Variants in MYH9 observed in about 807,000 individuals in gnomAD.
MYH9 encodes myosin heavy chain 9.
A neutral mutation model predicts 241.9 loss-of-function variants in MYH9; 29 were observed. The ratio of observed to expected loss-of-function variants is 0.12; its 90% CI spans 0.09 to 0.16. The LOEUF (loss-of-function observed/expected upper bound fraction) is 0.16, where lower values mean the gene tolerates loss of function less well. Ranked by LOEUF, MYH9 falls within the 10% of genes least tolerant of loss-of-function variation. The pLI is 1.00. For missense variants in MYH9, 1,803 were observed against 2,595.5 expected (o/e 0.69, Z 6.63); for synonymous variants, 1,047 against 1,062.6 (o/e 0.99, Z 0.29).
In MYH9 at chr22:36,296,823, C is replaced by G; in HGVS notation, c.3272+20G>C. ...CTGGCCCAGGCCACCTGGCCTCAGG[C>G]GGGCAGGCGGGGTCCTCACCTGGCC... On this transcript the variant is annotated intron_variant, in intron 25 of 40. Transcript: ENST00000216181. 1 of 1,592,272 alleles carries G rather than the reference C, an allele frequency of 6.3e-7. No homozygotes were observed. Among genetic ancestry groups the G allele is most frequent in the Non-Finnish European group, 8.6e-7 (1 of 1,168,948 alleles).
Position 36,284,521 on chromosome 22 carries a change from A to G in MYH9, c.5484-10T>C, listed in dbSNP as rs546780199. The G allele has an allele frequency of 6.2e-6, 10 of 1,611,498 alleles. No individual in the cohort carries two copies. In the East Asian group the frequency reaches 1.8e-4, roughly 29 times the overall value. On this transcript the variant is annotated splice_polypyrimidine_tract_variant and intron_variant, in intron 38 of 40. Coordinates refer to ENST00000216181, the MANE Select transcript of MYH9 (RefSeq NM_002473.6). ...GGCTGCCTGGCGCTCCCTGCATGAC[A>G]GACAAGGTGGCTCAGAGGGAACACC...
chr22:36,373,851 C>T (rs2018124397), intron 1 of MYH9, among the ~76,000 whole-genome samples: 1 of 152,124 alleles, frequency 6.6e-6, no homozygotes. Context: ...AATATGAATT[C>T]TGGCGACCAA....
intron 3 of MYH9, among the ~76,000 whole-genome samples, chr22:36,336,645 G>A (rs765163408): frequency 2.6e-5 from 4 of 152,174 alleles, no homozygotes; most frequent in Non-Finnish European, 5.9e-5. Context: ...AGGGTGAACC[G>A]ACCATGTCAC....
chr22:36,366,154 C>T (rs1171007345), intron 1 of MYH9, among the ~76,000 whole-genome samples: 2 of 152,152 alleles, frequency 1.3e-5, no homozygotes, highest in Admixed American at 6.5e-5. Context: ...TGCCACTGCA[C>T]TCCAGCCTGG....
chr22:36,349,117 G>C lies in MYH9; in HGVS notation c.120C>G (p.Gly40=). ...CCTCCTTGAGGCTGGCTGGCTCAAA[G>C]CCACTCTTGTCGGAAGGCACCCATA... The part of the protein sequence containing the change: ...KLVWVPSDKS[G]FEPASLKEEV... Residue 40 remains glycine, a synonymous_variant, in exon 2 of 41, where the codon GGC becomes GGG. Coordinates refer to ENST00000216181, the MANE Select transcript of MYH9 (RefSeq NM_002473.6). The C allele has an allele frequency of 6.2e-7, 1 of 1,614,230 alleles. No individual in the cohort carries two copies. The highest frequency in any genetic ancestry group is 1.1e-5 in the South Asian group (1 of 91,088).
At chr22:36,376,985 C>G (rs2018177995) in intron 1 of MYH9, among the ~76,000 whole-genome samples, 1 of 152,012 alleles carries the variant, frequency 6.6e-6, no homozygotes, top group Non-Finnish European at 1.5e-5. Context: ...ATCGCTTGAA[C>G]CCGGGAGGTG....
In MYH9 at chr22:36,288,820, C is replaced by T. The variant is rs1036038001; in HGVS notation, c.4677G>A (p.Glu1559=). 1 of 1,613,680 alleles carries T rather than the reference C, an allele frequency of 6.2e-7. No individual in the cohort carries two copies. The highest frequency in any genetic ancestry group is 1.3e-5 in the African/African-American group (1 of 75,038). ...GGGCCTTCATGGCCTGCAGGTTGAC[C>T]TCCAACCGCAGCTTGGCATCTTCGG... is the stretch of plus-strand genomic sequence containing the variant. ...QATEDAKLRL[E]VNLQAMKAQF... The change falls in exon 33 of 41, where the codon GAG becomes GAA. Residue 1559 remains glutamate, a synonymous_variant. Transcript: ENST00000216181. The surrounding 1 kb of genome is among the most constrained non-coding windows in gnomAD (Gnocchi z 4.8).
rs770688464 is a variant in MYH9 at position 36,349,103 on chromosome 22, C to G, written c.134G>C (p.Ser45Thr). 2 of 1,614,248 alleles carry G rather than the reference C, an allele frequency of 1.2e-6. No individual in the cohort carries two copies. The highest frequency in any genetic ancestry group is 1.7e-5 in the Admixed American group (1 of 60,030). Reference sequence around the variant, plus strand: ...CTCTTCGCCCACCTCCTCCTTGAGGCTGGCTGGCTCAAAGCCACTCTTGTC... The same window carrying G: ...CTCTTCGCCCACCTCCTCCTTGAGGGTGGCTGGCTCAAAGCCACTCTTGTC... ...PSDKSGFEPASLKEEVGEEAI... is the reference protein window; with the variant it reads ...PSDKSGFEPATLKEEVGEEAI... The change falls in exon 2 of 41, where the codon AGC (serine) becomes ACC (threonine). Residue 45 changes from serine (S) to threonine (T), a missense_variant. By Grantham distance (58) the Ser-to-Thr change is moderately conservative. Around this residue, in one of 11 missense-constraint regions of MYH9, gnomAD observed 75 missense variants for 79.1 expected, o/e 0.95. Transcript: ENST00000216181.
chr22:36,294,424 C>T, intron 27 of MYH9, 126 bp from the exon 28 acceptor site: 1 of 1,023,880 alleles, frequency 9.8e-7, no homozygotes, highest in African/African-American at 1.6e-5. Flanking sequence ...GTGCCTGCGT[C>T]CTGGACTCAG....
intron 40 of MYH9, among the ~76,000 whole-genome samples, chr22:36,283,559 T>TAA (rs547870738): frequency 1.6e-5 from 2 of 127,712 alleles, no homozygotes; most frequent in Admixed American, 1.5e-4. Context: ...ACAAAAAAAA[T>TAA]AAAAAAAACA....
At position 36,281,390 on chromosome 22, in the gene MYH9, G is replaced by A. The variant is rs1323254840; in HGVS notation, c.*1278C>T. ...TAAGGCACTTTTATTATATAAAAAA[G>A]GGGGTAGGGTGGGAGTTTCACTCAC... On this transcript the variant is annotated 3_prime_UTR_variant, in exon 41 of 41. Coordinates refer to ENST00000216181, the MANE Select transcript of MYH9 (RefSeq NM_002473.6). The A allele has an allele frequency of 4.4e-6, 1 of 226,378 alleles. No homozygotes were observed. Among genetic ancestry groups the A allele is most frequent in the African/African-American group, 2.2e-5 (1 of 44,912 alleles). The allele number at this position is 226,378 out of a possible 1,614,324, so 14.0% of individuals were successfully genotyped here. A position where few individuals can be genotyped will look rare whatever the true frequency, so the allele number is the denominator to read the frequency against.
At chr22:36,360,066 C>CCACCACCACCACCACCAT (rs2017915085) in intron 1 of MYH9, among the ~76,000 whole-genome samples, 1 of 144,806 alleles carries the variant, frequency 6.9e-6, no homozygotes. Context: ...ACCACCACCA[C>CCACCACCACCACCACCAT]CACCACCACC....
chr22:36,334,681 C>T (rs866210027), intron 3 of MYH9, among the ~76,000 whole-genome samples: 5 of 152,266 alleles, frequency 3.3e-5, no homozygotes, highest in Middle Eastern at 3.4e-3. Context: ...AAGGAATGAG[C>T]GATTTGAAGC....
intron 34 of MYH9, among the ~76,000 whole-genome samples, chr22:36,287,638 A>G (rs1603482768): frequency 6.6e-6 from 1 of 152,296 alleles, no homozygotes; most frequent in East Asian, 1.9e-4. Flanking sequence ...GCTGCTGGGG[A>G]GGCTGAGGCA....
intron 1 of MYH9, among the ~76,000 whole-genome samples, chr22:36,352,024 A>G (rs1338191466): frequency 6.6e-6 from 1 of 152,198 alleles, no homozygotes; most frequent in Admixed American, 6.5e-5. Context: ...ACAGACTCAG[A>G]AAGGGCAAGT....
chr22:36,336,492 C>T (rs1557540), intron 3 of MYH9, among the ~76,000 whole-genome samples: 91,455 of 152,184 alleles, frequency 0.6, 28,438 homozygotes, highest in African/African-American at 0.7. Flanking sequence ...ACAACGTTTA[C>T]GCTCTCTCAC....
In MYH9 at chr22:36,300,902, C is replaced by G. The variant is rs770957131; in HGVS notation, c.2787G>C (p.Glu929Asp). The G allele has an allele frequency of 5.6e-6, 9 of 1,603,036 alleles. No individual in the cohort carries two copies. In the East Asian group the frequency reaches 2.0e-4, roughly 36 times the overall value. The change falls in exon 22 of 41, where the codon GAG becomes GAC. Residue 929 changes from glutamate (E) to aspartate (D), a missense_variant. By Grantham distance (45) the Glu-to-Asp change is conservative (BLOSUM62 2). Around this residue, in one of 11 missense-constraint regions of MYH9, gnomAD observed 290 missense variants for 360.5 expected, o/e 0.80. Coordinates refer to ENST00000216181, the MANE Select transcript of MYH9 (RefSeq NM_002473.6). The surrounding 1 kb of genome is among the most constrained non-coding windows in gnomAD (Gnocchi z 5.0). ...DLEARVEEEE[E>D]RCQHLQAEKK... The stretch of plus-strand genomic sequence containing the variant: ...TCTCCGCCTGCAGGTGCTGGCAGCG[C>G]TCCTCCTCCTCCTCCACCCTGGCCT...
Position 36,317,933 on chromosome 22 carries a change from A to G in MYH9, c.1227+274T>C, listed in dbSNP as rs532324284. ...GACATGCCTATATCCTTGATGACCA[A>G]TCAGCCAAAATACCATCTCAATGTA... On this transcript the variant is annotated intron_variant, in intron 11 of 40. Coordinates refer to ENST00000216181, the MANE Select transcript of MYH9 (RefSeq NM_002473.6). 5.4e-4 allele frequency among the ~76,000 whole-genome samples: 82 copies of G among 152,366 alleles called. 1 individual carries two copies. The highest frequency in any genetic ancestry group is 2.5e-4 in the Non-Finnish European group (17 of 68,036).
chr22:36,353,125 GT>G (rs2017798745), intron 1 of MYH9, among the ~76,000 whole-genome samples: 1 of 151,746 alleles, frequency 6.6e-6, no homozygotes, highest in Non-Finnish European at 1.5e-5. Context: ...GTGTGTGTGT[GT>G]GTGTGTATAA....
Sources: gnomAD v4.1 joint callset for allele counts (sites outside exome capture counted in the v4.1 genomes callset) on GRCh38, gnomAD v4.1.1 for gene constraint, gnomAD v4.1.1 regional missense constraint, Gnocchi (gnomAD v3.1) non-coding constraint, MANE v1.5 for transcripts, NCBI Gene and HGNC (gene_info 2026-07-23, HGNC 2026-07-21) for gene names.